The following RGS7 variants were observed in gnomAD, a reference collection of about 807,000 sequenced individuals.
The protein encoded by RGS7 is regulator of G protein signaling 7, also known as regulator of G-protein signaling 7.
In RGS7, 27 loss-of-function variants were observed where a neutral mutation model predicts 81.1. The observed-to-expected ratio is 0.33, with a 90% CI of 0.25 to 0.46. The LOEUF (loss-of-function observed/expected upper bound fraction) is 0.46. Among genes scored for constraint, RGS7 ranks in the 20% least tolerant of loss-of-function variants. The probability of loss-of-function intolerance (pLI) is 1.00; values close to 1 mark genes in which losing one functional copy is unlikely to be tolerated. For synonymous variants in RGS7, 208 were observed against 207.7 expected (o/e 1.00, Z -0.01); for missense variants, 396 against 607.4 (o/e 0.65, Z 3.66).
chr1:240,836,206 A>AG (rs1192117700), intron 9 of RGS7, among the ~76,000 whole-genome samples: 1 of 152,136 alleles, frequency 6.6e-6, no homozygotes, highest in East Asian at 1.9e-4. Flanking sequence ...TGGGGAATTC[A>AG]GTACTTTCCA....
At chr1:240,859,828 T>C (rs906147722) in intron 9 of RGS7, among the ~76,000 whole-genome samples, 2 of 152,224 alleles carry the variant, frequency 1.3e-5, no homozygotes, top group African/African-American at 4.8e-5. Flanking sequence ...TTCTTTCTTC[T>C]AGTACATGTA....
chr1:240,878,489 C>CTTTTTTTTTTTTTTTTTTTTTTTT (rs57896753), intron 6 of RGS7, among the ~76,000 whole-genome samples: 2 of 117,584 alleles, frequency 1.7e-5, no homozygotes, highest in African/African-American at 6.2e-5. Context: ...TTTTTTCTTT[C>CTTTTTTTTTTTTTTTTTTTTTTTT]TTTTTTTTTT....
chr1:241,316,666 T>C (rs575095430), intron 2 of RGS7, among the ~76,000 whole-genome samples: 1 of 152,294 alleles, frequency 6.6e-6, no homozygotes, highest in East Asian at 1.9e-4. Flanking sequence ...TTTACTAGTA[T>C]TGTTTTGAGA....
At chr1:241,352,709 T>C (rs955769887) in intron 2 of RGS7, among the ~76,000 whole-genome samples, 1 of 152,216 alleles carries the variant, frequency 6.6e-6, no homozygotes. Flanking sequence ...CTGTACATTT[T>C]TTCCATAAGA....
chr1:240,793,611 A>ATATTTTTTTTTTTTTTTTT, intron 18 of RGS7, among the ~76,000 whole-genome samples: 4 of 78,870 alleles, frequency 5.1e-5, no homozygotes, highest in African/African-American at 3.9e-4. Context: ...ATATATATAT[A>ATATTTTTTTTTTTTTTTTT]TTTTTTTTTT....
intron 4 of RGS7, among the ~76,000 whole-genome samples, chr1:240,967,174 T>C (rs1682444842): frequency 6.6e-6 from 1 of 152,164 alleles, no homozygotes; most frequent in African/African-American, 2.4e-5. Context: ...TTGAGGTCAA[T>C]CTGACAGTCG....
rs76349078 is a variant in RGS7, at chr1:241,039,643, G to A, written c.176-56514C>T. ...TCACAGTTAGTTGTGATGTACAACCGAGTTTCAACACTTGGAAGTAAGTGA... is the reference window on the plus strand; with the variant it reads ...TCACAGTTAGTTGTGATGTACAACCAAGTTTCAACACTTGGAAGTAAGTGA... On this transcript the variant is annotated intron_variant, in intron 3 of 18. Transcript: ENST00000440928. Among the ~76,000 whole-genome samples the A allele has an allele frequency of 3.3e-3, 500 of 151,962 alleles. 3 individuals are homozygous for A. The highest frequency in any genetic ancestry group is 0.01 in the Middle Eastern group (3 of 294).
At chr1:241,183,359 C>T (rs1208257005) in intron 2 of RGS7, among the ~76,000 whole-genome samples, 3 of 152,196 alleles carry the variant, frequency 2.0e-5, no homozygotes, top group Non-Finnish European at 2.9e-5. Context: ...TCAGTCACCA[C>T]GTGCTCCATC....
In RGS7 at chr1:241,121,789, C is replaced by T. The variant is rs1362855189; in HGVS notation, c.79-23027G>A. ...CTAGAGTACAGTGGCAAGACCATGG[C>T]TTACTGCAGCCTCAACCTCCTAGCT... On this transcript the variant is annotated intron_variant, in intron 2 of 18. Coordinates refer to ENST00000440928, the MANE Select transcript of RGS7 (RefSeq NM_001364886.1). Among the ~76,000 whole-genome samples the T allele has an allele frequency of 5.0e-5, 7 of 138,658 alleles. No homozygotes were observed. The Admixed American group carries it at 5.5e-4, about 11-fold the overall frequency. 91.0% of individuals were successfully genotyped at this position (138,658 alleles called of 152,430 possible). A position where few individuals can be genotyped will look rare whatever the true frequency, so the allele number is the denominator to read the frequency against.
Position 241,165,876 on chromosome 1 carries a change from A to C in RGS7, c.79-67114T>G, listed in dbSNP as rs539415348. ...TCAAATGCTTTTACCCAACAGCAGT[A>C]GTTCTCAAAATTTGGCCCCCAGATC... is the stretch of plus-strand genomic sequence containing the variant. On this transcript the variant is annotated intron_variant, in intron 2 of 18. Transcript: ENST00000440928. 4.6e-5 allele frequency among the ~76,000 whole-genome samples: 7 copies of C among 152,200 alleles called. No individual in the cohort carries two copies. The South Asian group carries it at 1.5e-3, about 32-fold the overall frequency.
At chr1:241,098,830 T>C in intron 2 of RGS7, 68 bp from the exon 3 acceptor site, 2 of 1,170,852 alleles carry the variant, frequency 1.7e-6, no homozygotes, top group South Asian at 2.5e-5. Flanking sequence ...TCAGCTCTCA[T>C]AACAATTTTG....
chr1:240,842,702 T>A (rs922133568), intron 9 of RGS7, among the ~76,000 whole-genome samples: 4 of 152,194 alleles, frequency 2.6e-5, no homozygotes, highest in African/African-American at 7.2e-5. Context: ...GTTCTTCTGA[T>A]ATATCAAGCC....
intron 6 of RGS7, among the ~76,000 whole-genome samples, chr1:240,884,335 CA>C (rs1666980255): frequency 6.6e-6 from 1 of 152,122 alleles, no homozygotes; most frequent in South Asian, 2.1e-4. Flanking sequence ...AAAATGTGAC[CA>C]GGGGCTTGCA....
chr1:241,106,369 T>C (rs2065095400), intron 2 of RGS7, among the ~76,000 whole-genome samples: 1 of 152,152 alleles, frequency 6.6e-6, no homozygotes, highest in African/African-American at 2.4e-5. Context: ...TAAAATCTTA[T>C]TGCATGTAAA....
intron 2 of RGS7, among the ~76,000 whole-genome samples, chr1:241,120,708 CAT>C (rs2066192140): frequency 6.6e-6 from 1 of 152,050 alleles, no homozygotes; most frequent in African/African-American, 2.4e-5. Context: ...TACCAGTACA[CAT>C]ATGTGTCCAA....
intron 2 of RGS7, among the ~76,000 whole-genome samples, chr1:241,151,490 G>A (rs1420918805): frequency 6.6e-6 from 1 of 151,814 alleles, no homozygotes; most frequent in African/African-American, 2.4e-5. Flanking sequence ...AACCAGGAGA[G>A]GAGAAACACT....
chr1:241,340,961 AG>A (rs1032252216), intron 2 of RGS7, among the ~76,000 whole-genome samples: 2 of 152,224 alleles, frequency 1.3e-5, no homozygotes, highest in Non-Finnish European at 2.9e-5. Flanking sequence ...TGGGACTGCC[AG>A]GGAAATCTCT....
At chr1:241,120,485 C>T (rs905681542) in intron 2 of RGS7, among the ~76,000 whole-genome samples, 2 of 152,100 alleles carry the variant, frequency 1.3e-5, no homozygotes, top group Non-Finnish European at 2.9e-5. Context: ...GTAGCTGGGA[C>T]TACAGATCTG....
At chr1:240,948,096 G>A (rs919735978) in intron 4 of RGS7, among the ~76,000 whole-genome samples, 4 of 152,164 alleles carry the variant, frequency 2.6e-5, no homozygotes, top group African/African-American at 9.7e-5. Flanking sequence ...TGGTGTAGAA[G>A]ACCGCGTATC....
Sources: gnomAD v4.1 joint callset for allele counts (sites outside exome capture counted in the v4.1 genomes callset) on GRCh38, gnomAD v4.1.1 for gene constraint, MANE v1.5 for transcripts, NCBI Gene and HGNC (gene_info 2026-07-23, HGNC 2026-07-21) for gene names.